The following CACNG5 variants were observed in gnomAD, a reference collection of about 807,000 sequenced individuals.
CACNG5 encodes calcium voltage-gated channel auxiliary subunit gamma 5.
Under a neutral mutation model 24.8 loss-of-function variants are expected in CACNG5, and 18 were observed. The ratio of observed to expected loss-of-function variants is 0.73; its 90% CI spans 0.50 to 1.08. CACNG5 has a LOEUF of 1.08. Among genes scored for constraint, CACNG5 ranks in the 50% least tolerant of loss-of-function variants. CACNG5 has a pLI of 0.00. For synonymous variants in CACNG5, 157 were observed against 149.1 expected (o/e 1.05, Z -0.39); for missense variants, 349 against 367.9 (o/e 0.95, Z 0.42).
intron 1 of CACNG5, among the ~76,000 whole-genome samples, chr17:66,865,149 G>A (rs72631322): frequency 0.2 from 30,826 of 152,002 alleles, 3,385 homozygotes; most frequent in East Asian, 0.28. Context: ...TTTTGTTACT[G>A]TATAGATATT....
Position 66,835,232 on chromosome 17 carries a change from T to A in CACNG5, c.-122T>A, listed in dbSNP as rs2144490928. On this transcript the variant is annotated 5_prime_UTR_variant, in exon 1 of 6. Transcript: ENST00000533854. ...AGGGACATTGGACCAGGGTCGGGGGTCGCGGCCGCTCCAGCGAGGTAAGAG... is the reference window on the plus strand; with the variant it reads ...AGGGACATTGGACCAGGGTCGGGGGACGCGGCCGCTCCAGCGAGGTAAGAG... 1 of 152,138 alleles carries A rather than the reference T, an allele frequency of 6.6e-6. No homozygotes were observed. The highest frequency in any genetic ancestry group is 6.5e-5 in the Admixed American group (1 of 15,286). 9.4% of individuals were successfully genotyped at this position (152,138 alleles called of 1,614,324 possible).
intron 1 of CACNG5, among the ~76,000 whole-genome samples, chr17:66,843,996 T>C (rs888133497): frequency 2.6e-5 from 4 of 152,098 alleles, no homozygotes; most frequent in African/African-American, 9.6e-5. Context: ...TTGTCCATAC[T>C]CTCTGGGGTC....
At chr17:66,847,923 G>T (rs1976658617) in intron 1 of CACNG5, among the ~76,000 whole-genome samples, 1 of 152,210 alleles carries the variant, frequency 6.6e-6, no homozygotes, top group Admixed American at 6.5e-5. Context: ...CAGGGCACAA[G>T]GCATGTCTCT....
chr17:66,841,259 T>C (rs1260502580), intron 1 of CACNG5, among the ~76,000 whole-genome samples: 1 of 152,260 alleles, frequency 6.6e-6, no homozygotes, highest in East Asian at 1.9e-4. Flanking sequence ...GTCACATTCA[T>C]TTGAGTTTCT....
intron 1 of CACNG5, among the ~76,000 whole-genome samples, chr17:66,859,048 G>A (rs1012452787): frequency 6.6e-6 from 1 of 152,158 alleles, no homozygotes; most frequent in East Asian, 1.9e-4. Context: ...GTAGGGACAT[G>A]CTCCAACCCA....
In CACNG5 at chr17:66,889,431, G is replaced by A. The variant is rs1479791549; in HGVS notation, c.*4191G>A. ...CAGTGATGTCCCTAGAGAATCACAT[G>A]TAGGGGGCACCCCTCCTTAATGTTT... On this transcript the variant is annotated 3_prime_UTR_variant, in exon 6 of 6. Transcript: ENST00000533854. Among the ~76,000 whole-genome samples the A allele has an allele frequency of 6.6e-6, 1 of 152,218 alleles. No homozygotes were observed. Among genetic ancestry groups the A allele is most frequent in the Admixed American group, 6.5e-5 (1 of 15,286 alleles).
At chr17:66,884,383 G>C (rs1014206688) in intron 4 of CACNG5, 133 bp from the exon 5 acceptor site, 11 of 884,810 alleles carry the variant, frequency 1.2e-5, no homozygotes, top group Non-Finnish European at 1.9e-5. Context: ...GCTCTCCTTT[G>C]AACTCCACTG....
At chr17:66,870,101 G>T (rs1387419754) in intron 1 of CACNG5, among the ~76,000 whole-genome samples, 2 of 151,928 alleles carry the variant, frequency 1.3e-5, no homozygotes, top group Admixed American at 6.6e-5. Context: ...AAAAGAAAAA[G>T]TGTAAAAGAA....
At chr17:66,884,448 G>A (rs1033105236) in intron 4 of CACNG5, 68 bp from the exon 5 acceptor site, 4 of 1,509,646 alleles carry the variant, frequency 2.6e-6, no homozygotes, top group African/African-American at 2.8e-5. Flanking sequence ...AAAGGGAGGT[G>A]GGTGCCACCT....
At chr17:66,882,513 AG>A (rs1381681501) in intron 4 of CACNG5, among the ~76,000 whole-genome samples, 2 of 152,154 alleles carry the variant, frequency 1.3e-5, no homozygotes, top group Non-Finnish European at 2.9e-5. Flanking sequence ...TGGTGTGTAG[AG>A]TGAGAAGGGG....
rs990915935 is a variant in CACNG5 at position 66,890,043 on chromosome 17, C to T, written c.*4803C>T. On this transcript the variant is annotated 3_prime_UTR_variant, in exon 6 of 6. Coordinates refer to ENST00000533854, the MANE Select transcript of CACNG5 (RefSeq NM_145811.3). ...AGGGCCAATTGGCAGCTCTCCAAGT[C>T]TTGACTTTCTCCCCACACTCAGTGA... is the stretch of plus-strand genomic sequence containing the variant. Among the ~76,000 whole-genome samples, 2 of 152,324 alleles carry T rather than the reference C, an allele frequency of 1.3e-5. No individual in the cohort carries two copies. The highest frequency in any genetic ancestry group is 2.9e-5 in the Non-Finnish European group (2 of 68,038).
intron 1 of CACNG5, among the ~76,000 whole-genome samples, chr17:66,864,396 C>A (rs1181777085): frequency 6.6e-6 from 1 of 152,228 alleles, no homozygotes; most frequent in Non-Finnish European, 1.5e-5. Flanking sequence ...CTCAGACTCT[C>A]ATTCTGTGTG....
chr17:66,865,931 G>A (rs1050557508), intron 1 of CACNG5, among the ~76,000 whole-genome samples: 4 of 151,378 alleles, frequency 2.6e-5, no homozygotes, highest in East Asian at 2.0e-4. Context: ...ATGAGCCACC[G>A]CACCCGGCCA....
At chr17:66,854,284 C>A (rs969847119) in intron 1 of CACNG5, among the ~76,000 whole-genome samples, 1 of 151,732 alleles carries the variant, frequency 6.6e-6, no homozygotes, top group African/African-American at 2.4e-5. Context: ...AAAAATTAGC[C>A]GGGCATGGTG....
Position 66,843,823 on chromosome 17 carries a change from C to G in CACNG5, c.-104+8573C>G, listed in dbSNP as rs73994645. 4.2e-3 allele frequency among the ~76,000 whole-genome samples: 639 copies of G among 152,150 alleles called. 4 individuals carry two copies. Among genetic ancestry groups the G allele is most frequent in the African/African-American group, 0.015 (617 of 41,506 alleles). On this transcript the variant is annotated intron_variant, in intron 1 of 5. Transcript: ENST00000533854. ...GGTCCTGGGTGGGGGGAGGCAGGAA[C>G]CACTGGAATAAGCCAGTGTTGCAAT...
In CACNG5 at chr17:66,887,254, C is replaced by G. The variant is rs751282997; in HGVS notation, c.*2014C>G. 9.2e-5 allele frequency among the ~76,000 whole-genome samples: 14 copies of G among 152,146 alleles called. No individual in the cohort carries two copies. Among genetic ancestry groups the G allele is most frequent in the Non-Finnish European group, 1.8e-4 (12 of 68,040 alleles). The stretch of plus-strand genomic sequence containing the variant: ...TTCACCACGAATCCTTGGGCAACAC[C>G]CTTCCACTCTGAGGGGCTTGGCCTA... On this transcript the variant is annotated 3_prime_UTR_variant, in exon 6 of 6. Transcript: ENST00000533854.
At chr17:66,855,654 G>A (rs1976765606) in intron 1 of CACNG5, among the ~76,000 whole-genome samples, 1 of 152,096 alleles carries the variant, frequency 6.6e-6, no homozygotes, top group African/African-American at 2.4e-5. Flanking sequence ...CTCGGACCAC[G>A]CCTGGCTAAT....
chr17:66,870,987 A>G (rs1212714078), intron 1 of CACNG5, among the ~76,000 whole-genome samples: 1 of 151,982 alleles, frequency 6.6e-6, no homozygotes, highest in Non-Finnish European at 1.5e-5. Context: ...TCTCAAAAAA[A>G]AAAAAGTCAC....
intron 4 of CACNG5, among the ~76,000 whole-genome samples, chr17:66,881,803 G>T (rs1977161659): frequency 6.6e-6 from 1 of 152,052 alleles, no homozygotes; most frequent in South Asian, 2.1e-4. Flanking sequence ...AAAGAAGTGA[G>T]GTTGGGGGTG....
Sources: gnomAD v4.1 joint callset for allele counts (sites outside exome capture counted in the v4.1 genomes callset) on GRCh38, gnomAD v4.1.1 for gene constraint, MANE v1.5 for transcripts, NCBI Gene and HGNC (gene_info 2026-07-23, HGNC 2026-07-21) for gene names.